NTN1: variants seen among roughly 807,000 people sequenced by gnomAD.
NTN1 encodes netrin-1.
NTN1 carries 11 observed loss-of-function variants against 54.2 expected under a neutral mutation model. The ratio of observed to expected loss-of-function variants is 0.20; its 90% CI spans 0.13 to 0.34. The LOEUF (loss-of-function observed/expected upper bound fraction) is 0.34, where lower values mean the gene tolerates loss of function less well. NTN1 is among the 10% of genes least tolerant of loss of function. NTN1 has a pLI of 1.00. For synonymous variants in NTN1, 371 were observed against 382.0 expected, an observed-to-expected ratio of 0.97 and a Z score of 0.33; for missense variants, 740 against 893.1, an observed-to-expected ratio of 0.83 and a Z score of 2.18.
At chr17:9,045,187 G>A (rs888716108) in intron 2 of NTN1, among the ~76,000 whole-genome samples, 1 of 152,216 alleles carries the variant, frequency 6.6e-6, no homozygotes, top group Non-Finnish European at 1.5e-5. Context: ...AGTTTGAGCC[G>A]ACAGCTGGGG....
intron 3 of NTN1, chr17:9,174,703 G>A (rs1162283105): frequency 6.6e-6 from 1 of 152,256 alleles, no homozygotes; most frequent in Non-Finnish European, 1.5e-5. Context: ...AAATTAATCA[G>A]CTCTTTAAAG....
In NTN1 at chr17:9,221,147, T is replaced by TCGC; in HGVS notation, c.1412-20_1412-19insGCC. 6.1e-6 allele frequency: 8 copies of TCGC among 1,303,794 alleles called. No homozygotes were observed. The highest frequency in any genetic ancestry group is 8.4e-6 in the Non-Finnish European group (8 of 952,866). 80.8% of individuals were successfully genotyped at this position (1,303,794 alleles called of 1,614,324 possible). On this transcript the variant is annotated intron_variant, in intron 5 of 6. Transcript: ENST00000173229. This position sits in a 1 kb window ranked among gnomAD's most constrained non-coding sequence, Gnocchi z 4.5. ...CAGCCTAATTAGTTTTTGTCTGTGCTCCCCCCCCACCCCCCTGCAGACTGC... is the reference window on the plus strand; with the variant it reads ...CAGCCTAATTAGTTTTTGTCTGTGCTCGCCCCCCCCCACCCCCCTGCAGACTGC...
At chr17:9,078,098 A>T (rs1234924245) in intron 2 of NTN1, among the ~76,000 whole-genome samples, 1 of 151,858 alleles carries the variant, frequency 6.6e-6, no homozygotes, top group Non-Finnish European at 1.5e-5. Flanking sequence ...CCATCCATCC[A>T]CCCAGTGAAC....
chr17:9,059,395 G>A (rs1489008044), intron 2 of NTN1, among the ~76,000 whole-genome samples: 1 of 152,126 alleles, frequency 6.6e-6, no homozygotes, highest in African/African-American at 2.4e-5. Context: ...ATTCACAATA[G>A]CCAAAAGGTG....
At chr17:9,131,543 C>G (rs951610358) in intron 2 of NTN1, among the ~76,000 whole-genome samples, 1 of 149,698 alleles carries the variant, frequency 6.7e-6, no homozygotes. Context: ...GGGCTGTGCT[C>G]GGTTTGTCTG....
chr17:9,181,948 A>G (rs376514584), intron 4 of NTN1, among the ~76,000 whole-genome samples: 68 of 152,322 alleles, frequency 4.5e-4, no homozygotes, highest in African/African-American at 1.4e-3. Flanking sequence ...TCTGGGAAGT[A>G]GTAGGAACCA....
chr17:9,022,991 G>T lies in NTN1; in HGVS notation c.618G>T (p.Ser206=). 6.2e-7 allele frequency: 1 copy of T among 1,609,590 alleles called. No individual in the cohort carries two copies. Among genetic ancestry groups the T allele is most frequent in the South Asian group, 1.1e-5 (1 of 90,640 alleles). The change falls in exon 2 of 7, where the codon TCG becomes TCT. Residue 206 remains serine (S), a synonymous_variant. Transcript: ENST00000173229. ...AGCAGGAGGCCGTGTGCACCGACTC[G>T]CACACCGACATGCGCCCGCTCTCGG... ...QNEQEAVCTD[S]HTDMRPLSGG...
At chr17:9,179,286 C>A (rs2092410834) in intron 3 of NTN1, among the ~76,000 whole-genome samples, 1 of 152,198 alleles carries the variant, frequency 6.6e-6, no homozygotes, top group African/African-American at 2.4e-5. Context: ...GCTGGGGGAG[C>A]CACCCCTCCC....
At chr17:9,094,454 C>T (rs938632582) in intron 2 of NTN1, among the ~76,000 whole-genome samples, 2 of 151,554 alleles carry the variant, frequency 1.3e-5, no homozygotes, top group African/African-American at 2.4e-5. Context: ...TATGTATGTA[C>T]GAATATAATA....
the NTN1 span, among the ~76,000 whole-genome samples, chr17:9,010,814 T>C: frequency 0.19 from 29,626 of 152,092 alleles, 3,402 homozygotes; most frequent in East Asian, 0.56. Context: ...AGTTTTTCCA[T>C]GGGCGTGGGG....
chr17:9,137,330 C>T (rs2092284183), intron 2 of NTN1, among the ~76,000 whole-genome samples: 1 of 152,192 alleles, frequency 6.6e-6, no homozygotes, highest in Non-Finnish European at 1.5e-5. Context: ...AGCTGGTGGG[C>T]AGTGACTGTC....
intron 5 of NTN1, among the ~76,000 whole-genome samples, chr17:9,188,574 A>G (rs7207834): frequency 0.011 from 1,711 of 151,532 alleles, 33 homozygotes; most frequent in African/African-American, 0.04. Context: ...CCTGGAGACA[A>G]GGCACTGGAG....
chr17:9,242,232 C>T lies in NTN1; in HGVS notation c.*2264C>T, dbSNP rs577777133. On this transcript the variant is annotated 3_prime_UTR_variant, in exon 7 of 7. Coordinates refer to ENST00000173229, the MANE Select transcript of NTN1 (RefSeq NM_004822.3). ...CCAGGAGAGACTGGCAGAGGTGCCT[C>T]AGGGGCAGGGAGCAGACAGACCTGC... is the stretch of plus-strand genomic sequence containing the variant. 5.2e-5 allele frequency: 8 copies of T among 152,456 alleles called. No individual in the cohort carries two copies. The highest frequency in any genetic ancestry group is 1.9e-4 in the African/African-American group (8 of 41,570). The allele number at this position is 152,456 out of a possible 1,614,324, so 9.4% of individuals were successfully genotyped here.
At chr17:9,200,800 T>C (rs1904760257) in intron 5 of NTN1, among the ~76,000 whole-genome samples, 1 of 152,198 alleles carries the variant, frequency 6.6e-6, no homozygotes, top group Admixed American at 6.5e-5. Flanking sequence ...AAGGGACTGG[T>C]GTACTGTGTG....
chr17:9,084,850 A>C (rs1245698736), intron 2 of NTN1, among the ~76,000 whole-genome samples: 3 of 151,534 alleles, frequency 2.0e-5, no homozygotes, highest in Admixed American at 2.0e-4. Context: ...ATGGGGTTTC[A>C]CTGTGTTAGC....
intron 6 of NTN1, among the ~76,000 whole-genome samples, chr17:9,225,566 G>C (rs1158643852): frequency 6.6e-6 from 1 of 152,220 alleles, no homozygotes; most frequent in Non-Finnish European, 1.5e-5. Context: ...CATGTGTCCT[G>C]TGTTGGGCCC....
At chr17:9,055,287 T>G (rs761494301) in intron 2 of NTN1, among the ~76,000 whole-genome samples, 1 of 152,206 alleles carries the variant, frequency 6.6e-6, no homozygotes, top group Non-Finnish European at 1.5e-5. Flanking sequence ...GAACACCCAC[T>G]GCATCCAGGC....
chr17:9,156,941 C>T (rs2092344309), intron 2 of NTN1, among the ~76,000 whole-genome samples: 1 of 152,018 alleles, frequency 6.6e-6, no homozygotes, highest in South Asian at 2.1e-4. Context: ...TCCATCCATC[C>T]ATCCATGCAT....
intron 2 of NTN1, among the ~76,000 whole-genome samples, chr17:9,157,674 G>A (rs972547866): frequency 6.6e-6 from 1 of 152,228 alleles, no homozygotes; most frequent in Non-Finnish European, 1.5e-5. Flanking sequence ...CCAAAGAGGG[G>A]CACAAAGCTT....
Sources: gnomAD v4.1 joint callset for allele counts (sites outside exome capture counted in the v4.1 genomes callset) on GRCh38, gnomAD v4.1.1 for gene constraint, Gnocchi (gnomAD v3.1) non-coding constraint, MANE v1.5 for transcripts, NCBI Gene and HGNC (gene_info 2026-07-23, HGNC 2026-07-21) for gene names.